The following HS3ST5 variants were observed in gnomAD, a reference collection of about 807,000 sequenced individuals.
HS3ST5 encodes heparan sulfate-glucosamine 3-sulfotransferase 5.
Under a neutral mutation model 25.4 loss-of-function variants are expected in HS3ST5, and 10 were observed. That is an observed-to-expected ratio of 0.39 (90% confidence interval 0.24 to 0.67). HS3ST5 has a LOEUF of 0.67. Ranked by LOEUF, HS3ST5 falls within the 30% of genes least tolerant of loss-of-function variation. The pLI, the probability that HS3ST5 is intolerant of heterozygous loss-of-function variation, is 0.44. For missense variants in HS3ST5, 324 were observed against 420.7 expected (o/e 0.77, Z 2.01); for synonymous variants, 170 against 162.4 (o/e 1.05, Z -0.36).
intron 2 of HS3ST5, among the ~76,000 whole-genome samples, chr6:114,201,934 T>A (rs1181499541): frequency 6.6e-6 from 1 of 151,914 alleles, no homozygotes; most frequent in Admixed American, 6.6e-5. Flanking sequence ...TCACTCACTA[T>A]CACAAGAATA....
At chr6:114,117,375 G>T (rs1776583183) in intron 3 of HS3ST5, among the ~76,000 whole-genome samples, 1 of 152,072 alleles carries the variant, frequency 6.6e-6, no homozygotes, top group Non-Finnish European at 1.5e-5. Flanking sequence ...CGCAAAATCA[G>T]AAAATATGGG....
At chr6:114,138,046 AAAG>A (rs1777717956) in intron 3 of HS3ST5, among the ~76,000 whole-genome samples, 1 of 152,192 alleles carries the variant, frequency 6.6e-6, no homozygotes, top group Non-Finnish European at 1.5e-5. Flanking sequence ...ATTAAAAAAA[AAAG>A]GAGGCTCTGA....
At chr6:114,070,893 G>A (rs923520364) in intron 3 of HS3ST5, among the ~76,000 whole-genome samples, 1 of 152,134 alleles carries the variant, frequency 6.6e-6, no homozygotes. Flanking sequence ...TAACTTATGA[G>A]CTCCCAGGTG....
Position 114,138,823 on chromosome 6 carries a change from TG to T in HS3ST5, c.-33+29527del, listed in dbSNP as rs758990741. Among the ~76,000 whole-genome samples, 12 of 152,092 alleles carry T rather than the reference TG, an allele frequency of 7.9e-5. No individual in the cohort carries two copies. The East Asian group carries it at 9.7e-4, about 12-fold the overall frequency. On this transcript the variant is annotated intron_variant, in intron 3 of 4. Coordinates refer to ENST00000312719, the MANE Select transcript of HS3ST5 (RefSeq NM_153612.4). ...CTGGGTAGCTTATAAACAACAGAAA[TG>T]TATTTCTTAGTTTTGGAGGCTTGGT...
chr6:114,249,286 T>C (rs1192569075), intron 1 of HS3ST5, among the ~76,000 whole-genome samples: 1 of 152,276 alleles, frequency 6.6e-6, no homozygotes, highest in African/African-American at 2.4e-5. Context: ...ATGTTTTTCT[T>C]ATTCGATTTA....
At chr6:114,331,603 T>A (rs1469402759) in intron 1 of HS3ST5, among the ~76,000 whole-genome samples, 1 of 152,186 alleles carries the variant, frequency 6.6e-6, no homozygotes, top group Non-Finnish European at 1.5e-5. Context: ...ATTTTGAAGG[T>A]AATATTACAT....
chr6:114,330,236 TA>T (rs1480608391), intron 1 of HS3ST5, among the ~76,000 whole-genome samples: 4 of 151,960 alleles, frequency 2.6e-5, no homozygotes, highest in Non-Finnish European at 4.4e-5. Flanking sequence ...ACCAAGAAAA[TA>T]AACATGGATA....
intron 3 of HS3ST5, among the ~76,000 whole-genome samples, chr6:114,144,536 C>G (rs1038558816): frequency 6.6e-6 from 1 of 151,878 alleles, no homozygotes; most frequent in South Asian, 2.1e-4. Context: ...CAAACATGAG[C>G]ATTTAATCTT....
intron 2 of HS3ST5, among the ~76,000 whole-genome samples, chr6:114,195,488 TA>T (rs879742381): frequency 0.013 from 1,942 of 147,284 alleles, 37 homozygotes; most frequent in African/African-American, 0.042. Context: ...GAATGCAAAT[TA>T]AAAAAAAAAA....
chr6:114,084,634 A>G lies in HS3ST5; in HGVS notation c.-32-21757T>C, dbSNP rs2114774474. 3 of 855,404 alleles carry G rather than the reference A, an allele frequency of 3.5e-6. No homozygotes were observed. The South Asian group carries it at 3.9e-5, about 11-fold the overall frequency. 53.0% of individuals were successfully genotyped at this position (855,404 alleles called of 1,614,324 possible). A position where few individuals can be genotyped will look rare whatever the true frequency, so the allele number is the denominator to read the frequency against. On this transcript the variant is annotated intron_variant, in intron 3 of 4. Coordinates refer to ENST00000312719, the MANE Select transcript of HS3ST5 (RefSeq NM_153612.4). ...ACAGAGCAATGCTAGGTAGGTTAAC[A>G]TAAGATGCCTTAATGAGAGGCTGAT...
chr6:114,335,724 G>A (rs898818803), intron 1 of HS3ST5, among the ~76,000 whole-genome samples: 4 of 150,362 alleles, frequency 2.7e-5, no homozygotes, highest in Non-Finnish European at 5.9e-5. Flanking sequence ...GTGCAATCTC[G>A]GCTCACTGCA....
intron 3 of HS3ST5, among the ~76,000 whole-genome samples, chr6:114,086,978 T>C (rs1774872715): frequency 6.6e-6 from 1 of 152,196 alleles, no homozygotes; most frequent in African/African-American, 2.4e-5. Flanking sequence ...ATCTGTAAAC[T>C]ATTGTCTTCA....
intron 3 of HS3ST5, among the ~76,000 whole-genome samples, chr6:114,133,792 G>A (rs1007065367): frequency 2.6e-5 from 4 of 152,176 alleles, no homozygotes; most frequent in Non-Finnish European, 2.9e-5. Flanking sequence ...GCACAGAGGA[G>A]AGGATTCTGG....
chr6:114,075,182 C>T (rs1774047797), intron 3 of HS3ST5, among the ~76,000 whole-genome samples: 1 of 152,224 alleles, frequency 6.6e-6, no homozygotes, highest in Admixed American at 6.5e-5. Context: ...AGATCCGCAT[C>T]ATCTGTTAAA....
intron 3 of HS3ST5, among the ~76,000 whole-genome samples, chr6:114,066,590 G>T (rs2114718303): frequency 6.6e-6 from 1 of 152,210 alleles, no homozygotes; most frequent in East Asian, 1.9e-4. Context: ...CCAAGATTGT[G>T]CCACTGCACT....
At chr6:114,205,588 A>C (rs1781238993) in intron 2 of HS3ST5, among the ~76,000 whole-genome samples, 1 of 152,164 alleles carries the variant, frequency 6.6e-6, no homozygotes, top group South Asian at 2.1e-4. Context: ...TAACTCAATC[A>C]CCAGCCCTTC....
intron 2 of HS3ST5, among the ~76,000 whole-genome samples, chr6:114,185,318 C>T (rs1439298349): frequency 1.3e-5 from 2 of 151,966 alleles, no homozygotes; most frequent in African/African-American, 4.8e-5. Context: ...AGAATTAGTA[C>T]CCTCATAAAA....
chr6:114,194,544 T>G (rs1780651111), intron 2 of HS3ST5, among the ~76,000 whole-genome samples: 1 of 152,196 alleles, frequency 6.6e-6, no homozygotes, highest in Non-Finnish European at 1.5e-5. Context: ...CCCTCCCTTT[T>G]GTGGTTTTGG....
intron 2 of HS3ST5, among the ~76,000 whole-genome samples, chr6:114,192,526 T>G (rs1780552176): frequency 6.6e-6 from 1 of 152,204 alleles, no homozygotes. Context: ...CAGGTTTTTT[T>G]GAAGGAATTT....
Sources: gnomAD v4.1 joint callset for allele counts (sites outside exome capture counted in the v4.1 genomes callset) on GRCh38, gnomAD v4.1.1 for gene constraint, MANE v1.5 for transcripts, NCBI Gene and HGNC (gene_info 2026-07-23, HGNC 2026-07-21) for gene names.